Variants in SMYD3 observed in about 807,000 individuals in gnomAD.
SMYD3 encodes SET and MYND domain containing 3, also known as histone-lysine N-methyltransferase SMYD3.
Under a neutral mutation model 57.7 loss-of-function variants are expected in SMYD3, and 36 were observed. The observed-to-expected ratio is 0.62, with a 90% confidence interval of 0.48 to 0.82. SMYD3 has a LOEUF of 0.82. Ranked by LOEUF, SMYD3 falls within the 40% of genes least tolerant of loss-of-function variation. The pLI, the probability that SMYD3 is intolerant of heterozygous loss-of-function variation, is 0.00. For missense variants in SMYD3, 515 were observed against 538.8 expected, an observed-to-expected ratio of 0.96 and a Z score of 0.44; for synonymous variants, 211 against 195.0, an observed-to-expected ratio of 1.08 and a Z score of -0.68.
chr1:245,772,106 A>G (rs1222571818), intron 10 of SMYD3, among the ~76,000 whole-genome samples: 4 of 152,174 alleles, frequency 2.6e-5, no homozygotes, highest in Non-Finnish European at 4.4e-5. Context: ...TCCAGCCCAG[A>G]CTGAACCCTC....
intron 1 of SMYD3, among the ~76,000 whole-genome samples, chr1:246,443,206 A>G (rs2067497792): frequency 6.6e-6 from 1 of 152,232 alleles, no homozygotes; most frequent in South Asian, 2.1e-4. Flanking sequence ...TTCACCAAGG[A>G]GTAAGATTCT....
chr1:246,037,237 C>A (rs34556721), intron 5 of SMYD3, among the ~76,000 whole-genome samples: 9,613 of 152,180 alleles, frequency 0.063, 344 homozygotes, highest in African/African-American at 0.074. Flanking sequence ...ATATACATAT[C>A]TGTATCTATA....
At chr1:246,220,328 C>T (rs1448734072) in intron 5 of SMYD3, among the ~76,000 whole-genome samples, 1 of 148,932 alleles carries the variant, frequency 6.7e-6, no homozygotes. Context: ...CCATGCTCTC[C>T]CCAACCCACC....
At chr1:246,107,731 G>C (rs144646654) in intron 5 of SMYD3, among the ~76,000 whole-genome samples, 31 of 152,278 alleles carry the variant, frequency 2.0e-4, no homozygotes, top group African/African-American at 7.2e-4. Context: ...ATTTACAAAA[G>C]CCCACCAGAC....
At chr1:246,392,300 A>T (rs902431379) in intron 1 of SMYD3, among the ~76,000 whole-genome samples, 2 of 152,220 alleles carry the variant, frequency 1.3e-5, no homozygotes, top group Non-Finnish European at 2.9e-5. Flanking sequence ...AAATAGAATG[A>T]CCAGGAAACA....
intron 10 of SMYD3, among the ~76,000 whole-genome samples, chr1:245,803,044 A>G (rs543505129): frequency 6.6e-6 from 1 of 152,256 alleles, no homozygotes; most frequent in South Asian, 2.1e-4. Flanking sequence ...AATGTTCAAG[A>G]CTCACAGGGC....
chr1:246,067,623 C>G (rs2060365130), intron 5 of SMYD3, among the ~76,000 whole-genome samples: 1 of 152,128 alleles, frequency 6.6e-6, no homozygotes, highest in Non-Finnish European at 1.5e-5. Context: ...CAGCCCACAG[C>G]CTTGGGGCGC....
At chr1:246,266,483 C>G (rs1351207922) in intron 5 of SMYD3, among the ~76,000 whole-genome samples, 1 of 151,948 alleles carries the variant, frequency 6.6e-6, no homozygotes, top group Admixed American at 6.6e-5. Context: ...TTTATATGTT[C>G]CAACGGTACC....
chr1:245,882,279 A>G (rs1432654647), intron 8 of SMYD3, among the ~76,000 whole-genome samples: 1 of 152,158 alleles, frequency 6.6e-6, no homozygotes, highest in Non-Finnish European at 1.5e-5. Flanking sequence ...GCTGCTTGGG[A>G]AACACTAGCT....
chr1:246,168,031 G>A (rs61840454), intron 5 of SMYD3, among the ~76,000 whole-genome samples: 94 of 152,102 alleles, frequency 6.2e-4, no homozygotes, highest in Admixed American at 1.1e-3. Flanking sequence ...AAAACAGTGC[G>A]GTGGTTAGGA....
chr1:245,749,502 T>A lies in SMYD3; in HGVS notation c.*61A>T. 1 of 1,272,310 alleles carries A rather than the reference T, an allele frequency of 7.9e-7. No homozygotes were observed. Among genetic ancestry groups the A allele is most frequent in the Non-Finnish European group, 1.1e-6 (1 of 870,384 alleles). The allele number at this position is 1,272,310 out of a possible 1,614,324, so 78.8% of individuals were successfully genotyped here. A position where few individuals can be genotyped will look rare whatever the true frequency, so the allele number is the denominator to read the frequency against. ...CACACAGCTAACAAAGCATAGAGTG[T>A]GTGACCTCAATAAGGCATTCAACAA... is the stretch of plus-strand genomic sequence containing the variant. On this transcript the variant is annotated 3_prime_UTR_variant, in exon 12 of 12. Coordinates refer to ENST00000490107, the MANE Select transcript of SMYD3 (RefSeq NM_001167740.2).
chr1:246,136,522 T>C (rs1363608554), intron 5 of SMYD3, among the ~76,000 whole-genome samples: 1 of 152,098 alleles, frequency 6.6e-6, no homozygotes, highest in Non-Finnish European at 1.5e-5. Context: ...AAATGCAGGA[T>C]AGAAGCAGGG....
intron 1 of SMYD3, among the ~76,000 whole-genome samples, chr1:246,448,665 C>CCA (rs1376845579): frequency 8.0e-6 from 1 of 125,450 alleles, no homozygotes; most frequent in East Asian, 2.3e-4. Context: ...TATCTGTGAT[C>CCA]ATGCCTGGGG....
chr1:246,137,486 A>C (rs905673906), intron 5 of SMYD3, among the ~76,000 whole-genome samples: 7 of 152,086 alleles, frequency 4.6e-5, no homozygotes, highest in African/African-American at 1.4e-4. Flanking sequence ...CGACATTTTT[A>C]CTCTCACACG....
In SMYD3 at chr1:246,482,176, C is replaced by T. The variant is rs75247742; in HGVS notation, c.164+24878G>A. Among the ~76,000 whole-genome samples the T allele has an allele frequency of 5.1e-3, 780 of 152,034 alleles. 9 individuals carry two copies. Among genetic ancestry groups the T allele is most frequent in the African/African-American group, 0.017 (721 of 41,476 alleles). The stretch of plus-strand genomic sequence containing the variant: ...CTGTCTCAGAAGCAAAAAAAAATTC[C>T]GTAACTTCTAACATCAAAGTGATCC... On this transcript the variant is annotated intron_variant, in intron 1 of 11. Transcript: ENST00000490107.
chr1:245,780,315 CGTATGGTGGA>C (rs1474227459), intron 10 of SMYD3, among the ~76,000 whole-genome samples: 3 of 152,056 alleles, frequency 2.0e-5, no homozygotes, highest in Non-Finnish European at 4.4e-5. Context: ...TTGATATCTC[CGTATGGTGGA>C]ATATTATTCA....
chr1:246,330,213 A>T (rs2065436786), intron 4 of SMYD3, among the ~76,000 whole-genome samples: 1 of 152,224 alleles, frequency 6.6e-6, no homozygotes, highest in East Asian at 1.9e-4. Context: ...AAAAAAGAAG[A>T]AAAATGATTT....
chr1:246,130,860 T>C (rs1041444621), intron 5 of SMYD3, among the ~76,000 whole-genome samples: 3 of 152,158 alleles, frequency 2.0e-5, no homozygotes, highest in Non-Finnish European at 4.4e-5. Flanking sequence ...CATTTCATTC[T>C]CCTACTTGGA....
chr1:246,396,245 C>T (rs986873899), intron 1 of SMYD3, among the ~76,000 whole-genome samples: 5 of 152,204 alleles, frequency 3.3e-5, no homozygotes, highest in African/African-American at 1.2e-4. Flanking sequence ...GGTATACGTA[C>T]ATCAATATCC....
Sources: gnomAD v4.1 joint callset for allele counts (sites outside exome capture counted in the v4.1 genomes callset) on GRCh38, gnomAD v4.1.1 for gene constraint, MANE v1.5 for transcripts, NCBI Gene and HGNC (gene_info 2026-07-23, HGNC 2026-07-21) for gene names.